PDE4D: variants seen among roughly 807,000 people sequenced by gnomAD.
PDE4D encodes phosphodiesterase 4D.
PDE4D carries 24 observed loss-of-function variants against 87.4 expected under a neutral mutation model. That is an observed-to-expected ratio of 0.27 (90% CI 0.20 to 0.39). The LOEUF (loss-of-function observed/expected upper bound fraction) is 0.39. Among genes scored for constraint, PDE4D ranks in the 10% least tolerant of loss-of-function variants. The pLI, the probability that PDE4D is intolerant of heterozygous loss-of-function variation, is 1.00. For missense variants in PDE4D, 714 were observed against 1,041.0 expected (o/e 0.69, Z 4.32); for synonymous variants, 384 against 383.2 (o/e 1.00, Z -0.02).
At chr5:59,100,029 A>T (rs1051166756) in intron 5 of PDE4D, among the ~76,000 whole-genome samples, 2 of 152,226 alleles carry the variant, frequency 1.3e-5, no homozygotes, top group Non-Finnish European at 2.9e-5. Context: ...CATATGAAAA[A>T]GATTCTAGCA....
intron 1 of PDE4D, chr5:60,459,857 T>G: frequency 1.6e-6 from 1 of 614,344 alleles, no homozygotes; most frequent in Non-Finnish European, 3.0e-6. Flanking sequence ...TAGTAATCTT[T>G]TCCTTCATCC....
chr5:58,980,448 C>T (rs1744845622), intron 11 of PDE4D, among the ~76,000 whole-genome samples: 2 of 152,110 alleles, frequency 1.3e-5, no homozygotes, highest in African/African-American at 4.8e-5. Context: ...CAACACAGTC[C>T]ACTCAGTGCC....
chr5:59,120,902 A>G (rs1774381189), intron 5 of PDE4D, among the ~76,000 whole-genome samples: 2 of 152,216 alleles, frequency 1.3e-5, no homozygotes, highest in South Asian at 4.1e-4. Context: ...TTTAGAGTAG[A>G]CAGAGAGCAT....
chr5:59,021,223 T>C (rs1376428710), intron 6 of PDE4D, among the ~76,000 whole-genome samples: 1 of 152,168 alleles, frequency 6.6e-6, no homozygotes. Flanking sequence ...TATGGCTGTC[T>C]TCATATTCTT....
chr5:59,213,727 C>T (rs1750599744), intron 2 of PDE4D, among the ~76,000 whole-genome samples: 2 of 152,086 alleles, frequency 1.3e-5, no homozygotes, highest in South Asian at 2.1e-4. Context: ...CTGAATACAA[C>T]GCACCACTCA....
At chr5:59,271,422 G>A (rs1763833560) in intron 1 of PDE4D, among the ~76,000 whole-genome samples, 2 of 152,170 alleles carry the variant, frequency 1.3e-5, no homozygotes, top group African/African-American at 4.8e-5. Flanking sequence ...TGTAAGGTAA[G>A]TTGAAAATGA....
At chr5:59,425,963 A>G (rs1331127349) in intron 1 of PDE4D, among the ~76,000 whole-genome samples, 3 of 152,210 alleles carry the variant, frequency 2.0e-5, no homozygotes, top group African/African-American at 7.2e-5. Context: ...ATATTTGGAG[A>G]TAGGACCACT....
At chr5:59,856,700 AT>A (rs1745493953) in intron 1 of PDE4D, among the ~76,000 whole-genome samples, 1 of 152,176 alleles carries the variant, frequency 6.6e-6, no homozygotes, top group African/African-American at 2.4e-5. Context: ...GAAGTAAATC[AT>A]GGGGAAGCAA....
Position 59,274,824 on chromosome 5 carries a change from C to T in PDE4D, c.456-58856G>A, listed in dbSNP as rs571992670. On this transcript the variant is annotated intron_variant, in intron 1 of 14. Transcript: ENST00000340635. ...AGGAATCATTTCTAATAAAATAAAA[C>T]ATAAGAGATGAATGAATGATAAGCA... 3.9e-5 allele frequency among the ~76,000 whole-genome samples: 6 copies of T among 152,006 alleles called. No individual in the cohort carries two copies. The East Asian group carries it at 1.2e-3, about 29-fold the overall frequency.
chr5:60,315,196 T>C (rs1755445339), intron 1 of PDE4D, among the ~76,000 whole-genome samples: 1 of 152,240 alleles, frequency 6.6e-6, no homozygotes, highest in Non-Finnish European at 1.5e-5. Context: ...TGTGAGATGG[T>C]ATCTCATTGT....
At chr5:60,040,768 C>T (rs1001109611) in intron 2 of PDE4D, among the ~76,000 whole-genome samples, 10 of 152,066 alleles carry the variant, frequency 6.6e-5, no homozygotes, top group Admixed American at 1.3e-4. Flanking sequence ...GTATTCTGTC[C>T]GATAATTAAA....
intron 1 of PDE4D, among the ~76,000 whole-genome samples, chr5:59,308,363 G>A (rs1313195420): frequency 2.6e-5 from 4 of 152,024 alleles, no homozygotes; most frequent in African/African-American, 7.3e-5. Flanking sequence ...CTGTTTTGTT[G>A]TGTTTCCAGG....
At chr5:59,762,286 A>G (rs190645941) in intron 1 of PDE4D, among the ~76,000 whole-genome samples, 35 of 149,154 alleles carry the variant, frequency 2.3e-4, no homozygotes, top group Non-Finnish European at 2.7e-4. Flanking sequence ...GGGTACACAT[A>G]TGCGTATATG....
rs188160083 is a variant in PDE4D at position 60,263,398 on chromosome 5, C to T, written c.-89-77711G>A. On this transcript the variant is annotated intron_variant, in intron 1 of 16. Coordinates refer to the PDE4D transcript ENST00000502484. ...AAATTCTAATCCATTGCCCGTCTAG[C>T]GGCTGGGTGACGCCACAAGGAGCAG... Among the ~76,000 whole-genome samples, 15 of 152,304 alleles carry T rather than the reference C, an allele frequency of 9.8e-5. No homozygotes were observed. In the East Asian group the frequency reaches 1.7e-3, roughly 18 times the overall value.
In PDE4D at chr5:58,971,441, TAAC is replaced by T. The variant is rs1242012838; in HGVS notation, c.*3220_*3222del. ...TTAATAAGAACAGATAATTTACAATTAACATTACAGTATGTACATTGCAATAAA... is the reference window on the plus strand; with the variant it reads ...TTAATAAGAACAGATAATTTACAATTATTACAGTATGTACATTGCAATAAA... On this transcript the variant is annotated 3_prime_UTR_variant, in exon 15 of 15. Coordinates refer to ENST00000340635, the MANE Select transcript of PDE4D (RefSeq NM_001104631.2). The T allele has an allele frequency of 1.3e-5, 2 of 152,378 alleles. No individual in the cohort carries two copies. Among genetic ancestry groups the T allele is most frequent in the African/African-American group, 4.8e-5 (2 of 41,376 alleles). The allele number at this position is 152,378 out of a possible 1,614,324, so 9.4% of individuals were successfully genotyped here.
intron 3 of PDE4D, chr5:59,988,471 C>A: frequency 6.7e-7 from 1 of 1,497,702 alleles, no homozygotes; most frequent in Admixed American, 1.7e-5. Context: ...GGGGAAATGA[C>A]ATCTGAGGGC....
rs547977260 is a variant in PDE4D, at chr5:59,981,386, TTAGA to T, written c.272+7098_272+7101del. On this transcript the variant is annotated intron_variant, in intron 3 of 16. Transcript: ENST00000502484. The stretch of plus-strand genomic sequence containing the variant: ...ATATTTTGTGAGTATCCTGAGAAGT[TTAGA>T]TAAACACTACAATCATAAATTGCAT... Among the ~76,000 whole-genome samples the T allele has an allele frequency of 3.9e-3, 590 of 152,328 alleles. 5 individuals are homozygous for T. Among genetic ancestry groups the T allele is most frequent in the African/African-American group, 0.013 (552 of 41,594 alleles).
At chr5:59,475,827 T>G (rs970155692) in intron 1 of PDE4D, among the ~76,000 whole-genome samples, 1 of 152,026 alleles carries the variant, frequency 6.6e-6, no homozygotes. Flanking sequence ...CACTGACTAC[T>G]CATGGCAAAA....
At chr5:59,570,373 A>C (rs557800486) in intron 1 of PDE4D, among the ~76,000 whole-genome samples, 2 of 152,330 alleles carry the variant, frequency 1.3e-5, no homozygotes, top group East Asian at 3.9e-4. Context: ...TGTCATACAA[A>C]ATTAACAAAT....
Sources: allele counts gnomAD v4.1 joint callset (sites outside exome capture counted in the v4.1 genomes callset), GRCh38; gene constraint gnomAD v4.1.1; transcripts MANE v1.5; gene names NCBI Gene and HGNC (gene_info 2026-07-23, HGNC 2026-07-21).